Variants in WNT3 observed in about 807,000 individuals in gnomAD.
WNT3 encodes Wnt family member 3.
WNT3 carries 7 observed loss-of-function variants against 34.2 expected under a neutral mutation model. The ratio of observed to expected loss-of-function variants is 0.20; its 90% confidence interval spans 0.12 to 0.38. WNT3 has a LOEUF of 0.38. WNT3 is among the 10% of genes least tolerant of loss of function. WNT3 has a pLI of 1.00. For missense variants in WNT3, 267 were observed against 499.8 expected (o/e 0.53, Z 4.44); for synonymous variants, 212 against 211.5 (o/e 1.00, Z -0.02).
chr17:46,794,564 ACTGTACCACCGTGG>A (rs2084028252), intron 1 of WNT3, among the ~76,000 whole-genome samples: 1 of 152,098 alleles, frequency 6.6e-6, no homozygotes, highest in African/African-American at 2.4e-5. Flanking sequence ...TGCAGAACAC[ACTGTACCACCGTGG>A]AGAGGATAAA....
In WNT3 at chr17:46,813,518, G is replaced by A. The variant is rs2084302787; in HGVS notation, c.80+5000C>T. Among the ~76,000 whole-genome samples the A allele has an allele frequency of 4.0e-5, 6 of 151,742 alleles. No homozygotes were observed. The South Asian group carries it at 1.3e-3, about 32-fold the overall frequency. On this transcript the variant is annotated intron_variant, in intron 1 of 4. Coordinates refer to ENST00000225512, the MANE Select transcript of WNT3 (RefSeq NM_030753.5). ...CATACCTCCTCCCTGAGTTAGGAAT[G>A]AGGGGTGGAGGATGTCTTGCCCTCC...
chr17:46,767,180 C>T (rs891773312), intron 4 of WNT3, among the ~76,000 whole-genome samples: 1 of 152,158 alleles, frequency 6.6e-6, no homozygotes, highest in African/African-American at 2.4e-5. Flanking sequence ...CTGTGGAACC[C>T]AGGGCCAGTG....
intron 4 of WNT3, among the ~76,000 whole-genome samples, chr17:46,765,135 C>T (rs2059301679): frequency 6.6e-6 from 1 of 152,270 alleles, no homozygotes; most frequent in Non-Finnish European, 1.5e-5. Context: ...AGTCATATCT[C>T]ACAAAGGGTT....
intron 4 of WNT3, among the ~76,000 whole-genome samples, chr17:46,766,973 C>A (rs931075775): frequency 3.3e-5 from 5 of 152,184 alleles, no homozygotes; most frequent in African/African-American, 1.2e-4. Context: ...TGAAGAATTT[C>A]TTGCTTGGGT....
At chr17:46,799,531 T>A (rs1314303726) in intron 1 of WNT3, among the ~76,000 whole-genome samples, 1 of 148,480 alleles carries the variant, frequency 6.7e-6, no homozygotes, top group Admixed American at 6.8e-5. Context: ...AACTGCAACC[T>A]CCGCCTCCCA....
At chr17:46,801,551 C>A (rs963145035) in intron 1 of WNT3, among the ~76,000 whole-genome samples, 1 of 152,178 alleles carries the variant, frequency 6.6e-6, no homozygotes, top group South Asian at 2.1e-4. Flanking sequence ...ACCTGGGAGG[C>A]GGAGGCTGCA....
At chr17:46,816,475 G>GCACACACA (rs113581876) in intron 1 of WNT3, among the ~76,000 whole-genome samples, 56 of 144,362 alleles carry the variant, frequency 3.9e-4, no homozygotes, top group East Asian at 6.4e-4. Flanking sequence ...CAGAACACAC[G>GCACACACA]CACACACACA....
intron 1 of WNT3, among the ~76,000 whole-genome samples, chr17:46,804,776 C>G (rs1334409985): frequency 6.6e-6 from 1 of 152,164 alleles, no homozygotes; most frequent in Non-Finnish European, 1.5e-5. Context: ...ATGCACCAAT[C>G]AGTGCTCTGT....
At chr17:46,775,645 G>A (rs1030869558) in intron 1 of WNT3, among the ~76,000 whole-genome samples, 6 of 130,092 alleles carry the variant, frequency 4.6e-5, no homozygotes, top group Non-Finnish European at 9.3e-5. Flanking sequence ...ACAGAGTCTC[G>A]CTGTGTCACC....
intron 1 of WNT3, among the ~76,000 whole-genome samples, chr17:46,805,996 G>C (rs1471859182): frequency 4.6e-5 from 7 of 152,128 alleles, no homozygotes; most frequent in African/African-American, 1.7e-4. Context: ...CTGTAGAATG[G>C]GGATAACAAG....
intron 1 of WNT3, among the ~76,000 whole-genome samples, chr17:46,804,960 T>A (rs999064660): frequency 1.8e-5 from 2 of 113,292 alleles, no homozygotes; most frequent in African/African-American, 6.9e-5. Context: ...CCCCCTTGGG[T>A]CGCCTTCCAT....
chr17:46,799,158 G>A (rs1486179803), intron 1 of WNT3, among the ~76,000 whole-genome samples: 3 of 151,774 alleles, frequency 2.0e-5, no homozygotes, highest in East Asian at 3.9e-4. Flanking sequence ...ATACCAGAAC[G>A]CAAGGTCATG....
At chr17:46,774,171 C>T (rs2059396964) in intron 1 of WNT3, among the ~76,000 whole-genome samples, 1 of 152,204 alleles carries the variant, frequency 6.6e-6, no homozygotes, top group Non-Finnish European at 1.5e-5. Flanking sequence ...CCCTTGGGGG[C>T]AATGCAAAGC....
intron 1 of WNT3, among the ~76,000 whole-genome samples, chr17:46,805,977 G>GT (rs1210875703): frequency 2.6e-5 from 4 of 152,180 alleles, no homozygotes; most frequent in Non-Finnish European, 5.9e-5. Flanking sequence ...CAGGGCCTCA[G>GT]TTTCTCATCT....
At chr17:46,784,346 C>T (rs2059484661) in intron 1 of WNT3, among the ~76,000 whole-genome samples, 1 of 152,112 alleles carries the variant, frequency 6.6e-6, no homozygotes, top group African/African-American at 2.4e-5. Flanking sequence ...TTCCAGGCAC[C>T]ACGTAGAGAC....
intron 4 of WNT3, among the ~76,000 whole-genome samples, chr17:46,767,137 C>T (rs1171599260): frequency 6.6e-6 from 1 of 152,104 alleles, no homozygotes; most frequent in Non-Finnish European, 1.5e-5. Context: ...GGTCCAGGAC[C>T]ACTCCTCATC....
intron 2 of WNT3, among the ~76,000 whole-genome samples, chr17:46,770,773 G>C (rs772339968): frequency 7.2e-5 from 11 of 152,188 alleles, no homozygotes; most frequent in Non-Finnish European, 1.3e-4. Context: ...GCAGGGAAAG[G>C]AGAGACTCTC....
intron 1 of WNT3, among the ~76,000 whole-genome samples, chr17:46,781,191 A>G (rs186758284): frequency 5.1e-4 from 77 of 149,954 alleles, no homozygotes; most frequent in Middle Eastern, 3.5e-3. Flanking sequence ...GCGCCACTGC[A>G]CTCCAGCTTG....
intron 1 of WNT3, among the ~76,000 whole-genome samples, chr17:46,784,965 G>A (rs887336824): frequency 5.3e-5 from 8 of 152,032 alleles, no homozygotes; most frequent in Non-Finnish European, 1.0e-4. Context: ...TTTTAGTAGA[G>A]ACGGGGTTTC....
Sources: allele counts gnomAD v4.1 joint callset (sites outside exome capture counted in the v4.1 genomes callset), GRCh38; gene constraint gnomAD v4.1.1; transcripts MANE v1.5; gene names NCBI Gene and HGNC (gene_info 2026-07-23, HGNC 2026-07-21).